PHTF2: variants seen among roughly 807,000 people sequenced by gnomAD.
The protein encoded by PHTF2 is protein PHTF2.
In PHTF2, 60 loss-of-function variants were observed where a neutral mutation model predicts 101.2. The observed-to-expected ratio is 0.59, with a 90% CI of 0.48 to 0.73. The LOEUF (loss-of-function observed/expected upper bound fraction) is 0.73, where lower values mean the gene tolerates loss of function less well. Ranked by LOEUF, PHTF2 falls within the 30% of genes least tolerant of loss-of-function variation. The pLI, the probability that PHTF2 is intolerant of heterozygous loss-of-function variation, is 0.00. For missense variants in PHTF2, 747 were observed against 908.7 expected (o/e 0.82, Z 2.29); for synonymous variants, 311 against 307.3 (o/e 1.01, Z -0.13).
chr7:77,877,311 G>A (rs1037109123), intron 3 of PHTF2, among the ~76,000 whole-genome samples: 12 of 151,820 alleles, frequency 7.9e-5, no homozygotes, highest in African/African-American at 2.4e-4. Context: ...TCACTGTGTC[G>A]GTCAGGCTGG....
At chr7:77,855,412 C>G (rs899693818) in intron 3 of PHTF2, among the ~76,000 whole-genome samples, 1 of 152,200 alleles carries the variant, frequency 6.6e-6, no homozygotes, top group Non-Finnish European at 1.5e-5. Context: ...AGGAGTCTCT[C>G]CCAGAGCTGT....
chr7:77,901,741 G>T, intron 6 of PHTF2, 21 bp from the exon 6 acceptor site: 1 of 1,407,524 alleles, frequency 7.1e-7, no homozygotes, highest in East Asian at 2.6e-5. Context: ...ATACTCTGTT[G>T]TCCTATTTTA....
chr7:77,841,627 G>T (rs1795895979), intron 2 of PHTF2, among the ~76,000 whole-genome samples: 1 of 152,098 alleles, frequency 6.6e-6, no homozygotes, highest in South Asian at 2.1e-4. Context: ...GTTTTTAGAT[G>T]TGTTATTTGT....
At chr7:77,868,338 T>TC in intron 3 of PHTF2, among the ~76,000 whole-genome samples, 1 of 143,626 alleles carries the variant, frequency 7.0e-6, no homozygotes, top group East Asian at 2.0e-4. Flanking sequence ...TTTTTTTTTT[T>TC]TTTTTTTTTT....
Position 77,817,364 on chromosome 7 carries a change from G to A in PHTF2, c.-36+18393G>A, listed in dbSNP as rs547063819. 1.4e-4 allele frequency among the ~76,000 whole-genome samples: 21 copies of A among 152,222 alleles called. 1 individual carries two copies. In the South Asian group the frequency reaches 4.4e-3, roughly 32 times the overall value. On this transcript the variant is annotated intron_variant, in intron 1 of 19. Coordinates refer to ENST00000416283, the Ensembl canonical transcript of PHTF2. ...TGCTAATAAAGACATACCTGAGCCTGGGTAATTTATAAAGGAAAGAGGTTT... is the reference window on the plus strand; with the variant it reads ...TGCTAATAAAGACATACCTGAGCCTAGGTAATTTATAAAGGAAAGAGGTTT...
chr7:77,894,444 C>A (rs1800714557), intron 5 of PHTF2, among the ~76,000 whole-genome samples: 1 of 152,000 alleles, frequency 6.6e-6, no homozygotes, highest in Admixed American at 6.6e-5. Context: ...GATTGAAAAC[C>A]AGTGTCTATA....
chr7:77,952,979 T>C (rs889813064), intron 18 of PHTF2, among the ~76,000 whole-genome samples: 6 of 152,188 alleles, frequency 3.9e-5, no homozygotes, highest in African/African-American at 7.2e-5. Context: ...CTTACAGATA[T>C]TCTTGCTTCT....
intron 12 of PHTF2, among the ~76,000 whole-genome samples, chr7:77,934,242 A>G (rs935599456): frequency 2.0e-5 from 3 of 152,252 alleles, no homozygotes; most frequent in Non-Finnish European, 4.4e-5. Context: ...TAATCAGAAT[A>G]TTCCCAAATG....
intron 5 of PHTF2, among the ~76,000 whole-genome samples, chr7:77,897,913 T>G (rs1459495951): frequency 2.0e-5 from 3 of 152,004 alleles, no homozygotes; most frequent in Non-Finnish European, 4.4e-5. Flanking sequence ...ACTCCTGACC[T>G]CAGGTGATCC....
At chr7:77,927,333 C>T (rs1584737377) in intron 11 of PHTF2, among the ~76,000 whole-genome samples, 1 of 151,858 alleles carries the variant, frequency 6.6e-6, no homozygotes, top group South Asian at 2.1e-4. Context: ...TGGTGGCTCA[C>T]GCCTGTAATC....
chr7:77,823,151 G>T (rs758784382), intron 1 of PHTF2, among the ~76,000 whole-genome samples: 60 of 150,882 alleles, frequency 4.0e-4, no homozygotes, highest in South Asian at 8.4e-4. Context: ...TGATCCACCC[G>T]CCTCGGCCTC....
intron 16 of PHTF2, among the ~76,000 whole-genome samples, chr7:77,948,728 A>G (rs949870201): frequency 7.2e-5 from 11 of 152,210 alleles, no homozygotes; most frequent in Non-Finnish European, 1.0e-4. Flanking sequence ...AATTAAGGCA[A>G]TGAGAGAACA....
intron 3 of PHTF2, among the ~76,000 whole-genome samples, chr7:77,865,782 C>G (rs906616894): frequency 6.6e-6 from 1 of 151,974 alleles, no homozygotes; most frequent in East Asian, 1.9e-4. Context: ...GTTTTTTATT[C>G]TTAAATTAAG....
chr7:77,851,883 G>C (rs1446572221), intron 2 of PHTF2, among the ~76,000 whole-genome samples: 2 of 151,972 alleles, frequency 1.3e-5, no homozygotes, highest in Non-Finnish European at 2.9e-5. Flanking sequence ...TGCTTTCACT[G>C]TATCTCATAA....
chr7:77,824,132 G>A (rs1373854391), intron 1 of PHTF2, among the ~76,000 whole-genome samples: 2 of 152,044 alleles, frequency 1.3e-5, no homozygotes, highest in Non-Finnish European at 2.9e-5. Flanking sequence ...CTGTGTGCCA[G>A]GTATAGAATT....
chr7:77,947,031 G>A (rs989454341), intron 16 of PHTF2, among the ~76,000 whole-genome samples: 3 of 151,044 alleles, frequency 2.0e-5, no homozygotes, highest in African/African-American at 7.3e-5. Flanking sequence ...GAGGTGAGAA[G>A]ATCACCCGAG....
chr7:77,893,577 G>A, intron 3 of PHTF2, 31 bp from the exon 3 acceptor site: 1 of 965,522 alleles, frequency 1.0e-6, no homozygotes, highest in Non-Finnish European at 1.6e-6. Flanking sequence ...TACCAGCAAT[G>A]ACCATTTAAT....
At chr7:77,868,322 A>ATTTTTTT (rs761861776) in intron 3 of PHTF2, among the ~76,000 whole-genome samples, 3 of 78,522 alleles carry the variant, frequency 3.8e-5, no homozygotes, top group African/African-American at 1.7e-4. Flanking sequence ...TTAAAAAAAA[A>ATTTTTTT]TTTTTTTTTT....
rs926608518 is a variant in PHTF2 at position 77,901,718 on chromosome 7, A to G, written c.287-44A>G. 4 of 1,128,440 alleles carry G rather than the reference A, an allele frequency of 3.5e-6. No individual in the cohort carries two copies. The African/African-American group carries it at 4.8e-5, about 14-fold the overall frequency. The allele number at this position is 1,128,440 out of a possible 1,614,324, so 69.9% of individuals were successfully genotyped here. ...TTTTTTTCTTTAAAGAAATTAAAGA[A>G]TAATATATAAATATACTCTGTTGTC... On this transcript the variant is annotated intron_variant, in intron 6 of 19. Transcript: ENST00000416283.
Sources: gnomAD v4.1 joint callset for allele counts (sites outside exome capture counted in the v4.1 genomes callset) on GRCh38, gnomAD v4.1.1 for gene constraint, MANE v1.5 for transcripts, NCBI Gene and HGNC (gene_info 2026-07-23, HGNC 2026-07-21) for gene names.